Variants in TCEA2 observed in about 807,000 individuals in gnomAD.
TCEA2 encodes transcription elongation factor A protein 2.
Under a neutral mutation model 40.8 loss-of-function variants are expected in TCEA2, and 21 were observed. The ratio of observed to expected loss-of-function variants is 0.51; its 90% CI spans 0.36 to 0.74. The LOEUF (loss-of-function observed/expected upper bound fraction) is 0.74, where lower values mean the gene tolerates loss of function less well. Among genes scored for constraint, TCEA2 ranks in the 30% least tolerant of loss-of-function variants. The probability of loss-of-function intolerance (pLI) is 0.00; values close to 1 mark genes in which losing one functional copy is unlikely to be tolerated. For synonymous variants in TCEA2, 165 were observed against 162.7 expected (o/e 1.01, Z -0.11); for missense variants, 326 against 426.5 (o/e 0.76, Z 2.08).
upstream of TCEA2, chr20:64,057,090 C>T (rs550654262): frequency 3.9e-5 from 6 of 152,248 alleles, no homozygotes; most frequent in South Asian, 4.1e-4. Flanking sequence ...GTCGTGCGGC[C>T]GCTGGGTCCG....
Position 64,067,002 on chromosome 20 carries a change from T to G in TCEA2, c.223T>G (p.Ser75Ala). Residue 75 changes from serine to alanine, a missense_variant, in exon 3 of 10, where the codon TCC becomes GCC. By Grantham distance (99) the Ser-to-Ala change is moderately conservative. Coordinates refer to ENST00000343484, the MANE Select transcript of TCEA2 (RefSeq NM_003195.6). ...VIALAKSLIK[S>A]WKKLLDASDA... ...TGCACTGGCCAAGTCTCTCATCAAG[T>G]CCTGGAAGAAGCTCCTGGGTGCGGC... 1 of 1,613,084 alleles carries G rather than the reference T, an allele frequency of 6.2e-7. No individual in the cohort carries two copies. The highest frequency in any genetic ancestry group is 8.5e-7 in the Non-Finnish European group (1 of 1,179,616).
At chr20:64,066,392 G>A in intron 1 of TCEA2, 84 bp from the exon 2 acceptor site, 1 of 1,509,888 alleles carries the variant, frequency 6.6e-7, no homozygotes, top group Non-Finnish European at 9.2e-7. Flanking sequence ...TCACTGCCTT[G>A]TGTTCTCCTC....
intron 6 of TCEA2, 56 bp from the exon 7 acceptor site, chr20:64,070,204 G>GT: frequency 1.9e-6 from 3 of 1,599,872 alleles, no homozygotes; most frequent in Non-Finnish European, 2.6e-6. Context: ...AGCGGGGCAG[G>GT]TGGTAGGTGG....
rs1183685452 is a variant in TCEA2, at chr20:64,058,161, C to T, written c.-84+510C>T. Reference sequence around the variant, plus strand: ...CTGCGGCCCGCAGGTCAGAGGCACCCGACCTCTTCTGCTAACCCCCTTCCC... The same window carrying T: ...CTGCGGCCCGCAGGTCAGAGGCACCTGACCTCTTCTGCTAACCCCCTTCCC... On this transcript the variant is annotated intron_variant, in intron 1 of 10. Coordinates refer to the TCEA2 transcript ENST00000361317. The surrounding 1 kb of genome is among the most constrained non-coding windows in gnomAD (Gnocchi z 6.7). Among the ~76,000 whole-genome samples, 4 of 152,194 alleles carry T rather than the reference C, an allele frequency of 2.6e-5. No homozygotes were observed. Among genetic ancestry groups the T allele is most frequent in the East Asian group, 1.9e-4 (1 of 5,196 alleles).
At chr20:64,057,233 C>A (rs777831595), upstream of TCEA2, 2 of 152,272 alleles carry the variant, frequency 1.3e-5, no homozygotes, top group Admixed American at 1.3e-4. Context: ...CCCTCTCCTC[C>A]GTGGGCACTG....
chr20:64,067,683 T>C (rs559297344), intron 3 of TCEA2, among the ~76,000 whole-genome samples: 49 of 152,382 alleles, frequency 3.2e-4, no homozygotes, highest in African/African-American at 1.1e-3. Context: ...GGCCTGGCTC[T>C]GGGCTTTCAG....
upstream of TCEA2, among the ~76,000 whole-genome samples, chr20:64,061,458 G>A (rs2059563977): frequency 6.6e-6 from 1 of 152,122 alleles, no homozygotes; most frequent in African/African-American, 2.4e-5. Context: ...TGTATTTTTA[G>A]TAGAGATGGG....
intron 5 of TCEA2, 73 bp from the exon 6 acceptor site, chr20:64,069,692 G>C (rs1052039800): frequency 1.3e-6 from 2 of 1,565,240 alleles, no homozygotes; most frequent in African/African-American, 1.4e-5. Context: ...AAGCTGCCAG[G>C]GTGTTTTGCA....
Position 64,066,549 on chromosome 20 carries a change from G to C in TCEA2, c.135+11G>C. ...CTGCACCTGCTCCAGGTAGGTCCCT[G>C]CCTGCCCCAGGTCCAGGACAGCTCC... On this transcript the variant is annotated intron_variant, in intron 2 of 9. Transcript: ENST00000343484. The C allele has an allele frequency of 1.9e-6, 3 of 1,612,866 alleles. No homozygotes were observed. Among genetic ancestry groups the C allele is most frequent in the Non-Finnish European group, 2.5e-6 (3 of 1,179,326 alleles).
Position 64,066,680 on chromosome 20 carries a change from C to T in TCEA2, c.135+142C>T, listed in dbSNP as rs546283306. 1.0e-4 allele frequency: 101 copies of T among 964,540 alleles called. 1 individual carries two copies. In the South Asian group the frequency reaches 1.5e-3, roughly 14 times the overall value. The allele number at this position is 964,540 out of a possible 1,614,324, so 59.7% of individuals were successfully genotyped here. On this transcript the variant is annotated intron_variant, in intron 2 of 9. Transcript: ENST00000343484. ...AAATGCCTGTTCCTGAGGAGAGGGT[C>T]TCTGCCTTTCTCTGGGCTCAGTGGG...
Position 64,072,147 on chromosome 20 carries a change from GGAGGCCT to G in TCEA2, c.892-24_892-18del. 1.2e-6 allele frequency: 2 copies of G among 1,613,400 alleles called. No individual in the cohort carries two copies. Among genetic ancestry groups the G allele is most frequent in the South Asian group, 2.2e-5 (2 of 90,988 alleles). Reference sequence around the variant, plus strand: ...GGGGATCTCATGTGGCCACAAGGCTGGAGGCCTCACCCCCTTTCTCGCAGTTCTGCTG... The same window carrying G: ...GGGGATCTCATGTGGCCACAAGGCTGCACCCCCTTTCTCGCAGTTCTGCTG... On this transcript the variant is annotated intron_variant, in intron 9 of 9. Coordinates refer to ENST00000343484, the MANE Select transcript of TCEA2 (RefSeq NM_003195.6).
intron 4 of TCEA2, among the ~76,000 whole-genome samples, 195 bp downstream of exon 4, chr20:64,068,329 C>T (rs546823923): frequency 3.3e-5 from 5 of 152,352 alleles, no homozygotes; most frequent in African/African-American, 9.6e-5. Context: ...CTGTGTCCAC[C>T]TGGCTGTCAG....
chr20:64,071,320 C>T (rs1430933783), intron 8 of TCEA2, among the ~76,000 whole-genome samples: 1 of 151,666 alleles, frequency 6.6e-6, no homozygotes. Flanking sequence ...TGCTCTCCAG[C>T]CTGGGCGACA....
At chr20:64,070,038 C>T in intron 6 of TCEA2, 1 of 883,126 alleles carries the variant, frequency 1.1e-6, no homozygotes, top group Non-Finnish European at 1.8e-6. Flanking sequence ...GCCTAGGTCC[C>T]CTGGGGCTGT....
At chr20:64,069,527 G>A in intron 5 of TCEA2, 36 bp downstream of exon 5, 1 of 1,604,422 alleles carries the variant, frequency 6.2e-7, no homozygotes, top group Admixed American at 1.7e-5. Flanking sequence ...GACACCCGCT[G>A]TGGTTCACAG....
In TCEA2 at chr20:64,069,350, G is replaced by A. The variant is rs749486250; in HGVS notation, c.330-11G>A. On this transcript the variant is annotated splice_polypyrimidine_tract_variant and intron_variant, in intron 4 of 9. Transcript: ENST00000343484. ...TTGAGTCTGAACCCAGCTGGCCCTG[G>A]CTCTCTGCAGCCGCAAGAGGCCGGA... The A allele has an allele frequency of 6.4e-7, 1 of 1,568,448 alleles. No individual in the cohort carries two copies. The highest frequency in any genetic ancestry group is 1.9e-5 in the Admixed American group (1 of 53,136).
At chr20:64,058,748 C>T (rs893065621), upstream of TCEA2, among the ~76,000 whole-genome samples, 2 of 152,234 alleles carry the variant, frequency 1.3e-5, no homozygotes, top group Non-Finnish European at 2.9e-5. This position sits in a 1 kb window ranked among gnomAD's most constrained non-coding sequence, Gnocchi z 6.7. Context: ...ACTCACTGAA[C>T]AGCCTCTGCA....
chr20:64,063,033 G>A (rs1036594862), upstream of TCEA2: 24 of 231,254 alleles, frequency 1.0e-4, no homozygotes, highest in Admixed American at 9.1e-4. Context: ...GCGACGGTGG[G>A]TCAGGACTAC....
At chr20:64,057,508 GAGC>G (rs1381060943) in exon 1 of TCEA2, 1 of 152,344 alleles carries the variant, frequency 6.6e-6, no homozygotes, top group African/African-American at 2.4e-5. Context: ...GTAGGGGCTG[GAGC>G]AGCACCCTGC....
Sources: gnomAD v4.1 joint callset for allele counts (sites outside exome capture counted in the v4.1 genomes callset) on GRCh38, gnomAD v4.1.1 for gene constraint, Gnocchi (gnomAD v3.1) non-coding constraint, MANE v1.5 for transcripts, NCBI Gene and HGNC (gene_info 2026-07-23, HGNC 2026-07-21) for gene names.